Variants in GRIN2B observed in about 807,000 individuals in gnomAD.
The protein encoded by GRIN2B is glutamate ionotropic receptor NMDA type subunit 2B.
In GRIN2B, 5 loss-of-function variants were observed where a neutral mutation model predicts 114.5. That is an observed-to-expected ratio of 0.04 (90% CI 0.02 to 0.09). GRIN2B has a LOEUF of 0.09. Ranked by LOEUF, GRIN2B falls within the 10% of genes least tolerant of loss-of-function variation. The pLI, the probability that GRIN2B is intolerant of heterozygous loss-of-function variation, is 1.00. For missense variants in GRIN2B, 1,108 were observed against 1,943.5 expected (o/e 0.57, Z 8.08); for synonymous variants, 787 against 745.1 (o/e 1.06, Z -0.92).
rs1591604296 is a variant in GRIN2B, at chr12:13,562,477, G to T, written c.*306C>A. The T allele has an allele frequency of 2.7e-6, 1 of 371,610 alleles. No homozygotes were observed. The highest frequency in any genetic ancestry group is 4.9e-6 in the Non-Finnish European group (1 of 203,308). 23.0% of individuals were successfully genotyped at this position (371,610 alleles called of 1,614,324 possible). A position where few individuals can be genotyped will look rare whatever the true frequency, so the allele number is the denominator to read the frequency against. ...GCTCTTCCACACCAGGAGGAAGCCCGCATGCAGCCCTTCCTTTCTCCGCTC... is the reference window on the plus strand; with the variant it reads ...GCTCTTCCACACCAGGAGGAAGCCCTCATGCAGCCCTTCCTTTCTCCGCTC... On this transcript the variant is annotated 3_prime_UTR_variant, in exon 14 of 14. Transcript: ENST00000609686.
intron 10 of GRIN2B, among the ~76,000 whole-genome samples, chr12:13,606,202 G>C (rs960472882): frequency 5.4e-5 from 8 of 148,180 alleles, no homozygotes; most frequent in African/African-American, 2.0e-4. Flanking sequence ...GAATACCTGA[G>C]ACTAGGTAAT....
At chr12:13,637,742 C>A (rs571994778) in intron 5 of GRIN2B, among the ~76,000 whole-genome samples, 7 of 152,176 alleles carry the variant, frequency 4.6e-5, no homozygotes. Context: ...GACACTATAC[C>A]CTTAGAATAT....
chr12:13,688,478 G>T (rs1950189320), intron 4 of GRIN2B, among the ~76,000 whole-genome samples: 1 of 152,138 alleles, frequency 6.6e-6, no homozygotes, highest in Non-Finnish European at 1.5e-5. Flanking sequence ...AGTCTCTAAG[G>T]GCTGTCAATC....
At chr12:13,952,543 T>C (rs1867504790) in intron 2 of GRIN2B, among the ~76,000 whole-genome samples, 1 of 152,162 alleles carries the variant, frequency 6.6e-6, no homozygotes, top group African/African-American at 2.4e-5. Flanking sequence ...CTTCCTGCAT[T>C]CCTCCGGTGA....
At chr12:13,732,916 C>T (rs1863109956) in intron 4 of GRIN2B, among the ~76,000 whole-genome samples, 1 of 152,166 alleles carries the variant, frequency 6.6e-6, no homozygotes, top group African/African-American at 2.4e-5. Flanking sequence ...GCACTGAGCT[C>T]ATTAAAGTGC....
chr12:13,930,792 A>G (rs898313567), intron 2 of GRIN2B, among the ~76,000 whole-genome samples: 2 of 152,172 alleles, frequency 1.3e-5, no homozygotes, highest in Non-Finnish European at 2.9e-5. Context: ...TGCAACAGTG[A>G]CAACCACCAG....
intron 2 of GRIN2B, among the ~76,000 whole-genome samples, chr12:13,894,818 G>A (rs1866328069): frequency 6.6e-6 from 1 of 152,056 alleles, no homozygotes. Context: ...AGGCTGTGTT[G>A]TAATTTAGCA....
At chr12:13,770,656 T>G (rs1484671517) in intron 3 of GRIN2B, among the ~76,000 whole-genome samples, 1 of 152,180 alleles carries the variant, frequency 6.6e-6, no homozygotes, top group East Asian at 1.9e-4. Flanking sequence ...TTCCTGAGAA[T>G]AATGGTCTAA....
At chr12:13,846,827 G>A (rs769299834) in intron 3 of GRIN2B, among the ~76,000 whole-genome samples, 1 of 152,172 alleles carries the variant, frequency 6.6e-6, no homozygotes, top group Non-Finnish European at 1.5e-5. Context: ...AAAATGGAAA[G>A]AGAAGCACAA....
At chr12:13,848,716 A>G (rs925459381) in intron 3 of GRIN2B, among the ~76,000 whole-genome samples, 3 of 152,154 alleles carry the variant, frequency 2.0e-5, no homozygotes, top group African/African-American at 7.2e-5. Flanking sequence ...TCCAACTCTT[A>G]ACAGCTTCAG....
chr12:13,562,184 G>A lies in GRIN2B; in HGVS notation c.*599C>T, dbSNP rs1368117092. 6.5e-6 allele frequency: 1 copy of A among 153,710 alleles called. No homozygotes were observed. The highest frequency in any genetic ancestry group is 2.4e-5 in the African/African-American group (1 of 41,424). The allele number at this position is 153,710 out of a possible 1,614,324, so 9.5% of individuals were successfully genotyped here. Reference sequence around the variant, plus strand: ...GTTCACCACCACTATCGAGTCTCATGGGGTTGAAGCAAGCATTTTTTGGCT... The same window carrying A: ...GTTCACCACCACTATCGAGTCTCATAGGGTTGAAGCAAGCATTTTTTGGCT... On this transcript the variant is annotated 3_prime_UTR_variant, in exon 14 of 14. Coordinates refer to ENST00000609686, the MANE Select transcript of GRIN2B (RefSeq NM_000834.5).
intron 4 of GRIN2B, among the ~76,000 whole-genome samples, chr12:13,698,167 G>A (rs1436501905): frequency 6.6e-6 from 1 of 152,246 alleles, no homozygotes; most frequent in African/African-American, 2.4e-5. Context: ...ACACTGCTGA[G>A]GGATGCGCGT....
intron 4 of GRIN2B, among the ~76,000 whole-genome samples, chr12:13,680,044 C>T (rs1314354386): frequency 6.6e-6 from 1 of 151,986 alleles, no homozygotes; most frequent in Non-Finnish European, 1.5e-5. Context: ...TGATTTTAAA[C>T]CTCAGTGAAT....
chr12:13,957,832 A>G (rs1867618483), intron 2 of GRIN2B, among the ~76,000 whole-genome samples: 2 of 152,196 alleles, frequency 1.3e-5, no homozygotes, highest in African/African-American at 4.8e-5. Context: ...GTAACCTCCC[A>G]GAGGATGAAA....
intron 2 of GRIN2B, among the ~76,000 whole-genome samples, chr12:13,930,946 A>G (rs372877992): frequency 2.0e-5 from 3 of 152,206 alleles, no homozygotes; most frequent in South Asian, 2.1e-4. Flanking sequence ...GTTCAATGTG[A>G]TTGTCAAAAA....
intron 10 of GRIN2B, among the ~76,000 whole-genome samples, chr12:13,587,345 T>A (rs1948941920): frequency 7.4e-6 from 1 of 135,880 alleles, no homozygotes. Flanking sequence ...TTTTTATTTC[T>A]TTTTTTTTTT....
At chr12:13,912,363 G>A (rs1866639490) in intron 2 of GRIN2B, among the ~76,000 whole-genome samples, 1 of 152,174 alleles carries the variant, frequency 6.6e-6, no homozygotes, top group Admixed American at 6.5e-5. Flanking sequence ...TAAAGTGAGA[G>A]GGGAAAGTGA....
Position 13,608,750 on chromosome 12 carries a change from C to T in GRIN2B, c.1863G>A (p.Gln621=). Residue 621 remains glutamine, a synonymous_variant, in exon 10 of 14, where the codon CAG becomes CAA. Transcript: ENST00000609686. ...TCTTGGAGGTGGTCCCCTTTGGGTT[C>T]TGCACAGGTACGGAGTTGTTAAACA... ...GLVFNNSVPV[Q]NPKGTTSKIM... 1 of 1,614,108 alleles carries T rather than the reference C, an allele frequency of 6.2e-7. No individual in the cohort carries two copies. Among genetic ancestry groups the T allele is most frequent in the South Asian group, 1.1e-5 (1 of 91,076 alleles).
chr12:13,650,620 T>A (rs1262986654), intron 5 of GRIN2B, among the ~76,000 whole-genome samples: 1 of 152,004 alleles, frequency 6.6e-6, no homozygotes, highest in Non-Finnish European at 1.5e-5. Flanking sequence ...GGGAAAAAAG[T>A]CCCACCTCAT....
Sources: allele counts gnomAD v4.1 joint callset (sites outside exome capture counted in the v4.1 genomes callset), GRCh38; gene constraint gnomAD v4.1.1; transcripts MANE v1.5; gene names NCBI Gene and HGNC (gene_info 2026-07-23, HGNC 2026-07-21).